The following MALRD1 variants were observed in gnomAD, a reference collection of about 807,000 sequenced individuals.
The protein encoded by MALRD1 is MAM and LDL receptor class A domain containing 1.
Under a neutral mutation model 242.1 loss-of-function variants are expected in MALRD1, and 247 were observed. That is an observed-to-expected ratio of 1.02 (90% CI 0.92 to 1.13). MALRD1 has a LOEUF of 1.13. Ranked by LOEUF, MALRD1 falls within the 50% of genes most tolerant of loss-of-function variation. The probability of loss-of-function intolerance (pLI) is 0.00; values close to 1 mark genes in which losing one functional copy is unlikely to be tolerated. For synonymous variants in MALRD1, 995 were observed against 866.6 expected, an observed-to-expected ratio of 1.15 and a Z score of -2.60; for missense variants, 2,989 against 2,533.1, an observed-to-expected ratio of 1.18 and a Z score of -3.86.
intron 36 of MALRD1, among the ~76,000 whole-genome samples, chr10:19,665,663 G>A (rs1841645394): frequency 6.6e-6 from 1 of 151,902 alleles, no homozygotes; most frequent in Admixed American, 6.6e-5. Context: ...ACTAAAACGT[G>A]GGCATTCAGG....
chr10:19,513,532 G>T (rs981085896), intron 31 of MALRD1, among the ~76,000 whole-genome samples: 1 of 151,762 alleles, frequency 6.6e-6, no homozygotes, highest in Non-Finnish European at 1.5e-5. Context: ...GAGGTCAGGA[G>T]ATTGAGACCA....
intron 23 of MALRD1, among the ~76,000 whole-genome samples, chr10:19,328,892 G>A (rs925782475): frequency 1.3e-5 from 2 of 152,058 alleles, no homozygotes; most frequent in South Asian, 2.1e-4. Flanking sequence ...AAACTGAGGC[G>A]AGAAGAAATC....
At chr10:19,454,431 T>TATATATATATATATATAAATAA (rs1011890675) in intron 29 of MALRD1, among the ~76,000 whole-genome samples, 1 of 136,712 alleles carries the variant, frequency 7.3e-6, no homozygotes, top group Non-Finnish European at 1.6e-5. Context: ...TATATATATA[T>TATATATATATATATATAAATAA]AATTATATGA....
At chr10:19,206,231 A>C (rs1836776900) in intron 17 of MALRD1, among the ~76,000 whole-genome samples, 1 of 152,060 alleles carries the variant, frequency 6.6e-6, no homozygotes, top group Non-Finnish European at 1.5e-5. Context: ...AAATTTCCAT[A>C]TACATCATCG....
intron 29 of MALRD1, among the ~76,000 whole-genome samples, chr10:19,455,516 G>A (rs965042032): frequency 1.3e-5 from 2 of 152,064 alleles, no homozygotes; most frequent in African/African-American, 4.8e-5. Flanking sequence ...TTTGCCTTAT[G>A]TTTTTCATCT....
At chr10:19,375,714 G>A (rs1845563996) in intron 26 of MALRD1, among the ~76,000 whole-genome samples, 1 of 152,114 alleles carries the variant, frequency 6.6e-6, no homozygotes, top group African/African-American at 2.4e-5. Context: ...TTCCTTGAAA[G>A]CCACACGCTA....
intron 31 of MALRD1, among the ~76,000 whole-genome samples, chr10:19,529,874 A>G (rs1177267474): frequency 1.3e-5 from 2 of 152,184 alleles, no homozygotes; most frequent in Non-Finnish European, 2.9e-5. Context: ...AACATTACAT[A>G]ACATTATGTA....
At chr10:19,279,778 T>C (rs1036167448) in intron 19 of MALRD1, among the ~76,000 whole-genome samples, 20 of 152,342 alleles carry the variant, frequency 1.3e-4, no homozygotes, top group Non-Finnish European at 2.2e-4. Flanking sequence ...GCCCTGGCCT[T>C]GGGCCTCCCA....
rs143627087 is a variant in MALRD1 at position 19,534,176 on chromosome 10, C to T, written c.5478+2825C>T. On this transcript the variant is annotated intron_variant, in intron 32 of 39. Transcript: ENST00000454679. ...CTTTTGTTACTTGCTACTGAAAAAG[C>T]CCTCGCCATTACAGAAACTCAGCAA... Among the ~76,000 whole-genome samples the T allele has an allele frequency of 2.9e-4, 44 of 152,300 alleles. 1 individual carries two copies. In the East Asian group the frequency reaches 7.9e-3, roughly 27 times the overall value.
rs1257315588 is a variant in MALRD1 at position 19,276,102 on chromosome 10, T to TA, written c.3080-3941dup. Among the ~76,000 whole-genome samples, 3 of 152,204 alleles carry TA rather than the reference T, an allele frequency of 2.0e-5. No homozygotes were observed. The East Asian group carries it at 5.8e-4, about 29-fold the overall frequency. On this transcript the variant is annotated intron_variant, in intron 19 of 39. Coordinates refer to ENST00000454679, the MANE Select transcript of MALRD1 (RefSeq NM_001142308.3). ...TGGAATTAAAATCTTTGTCTTAAAC[T>TA]AAAACTTTATTATCTAAATATGGAA...
At chr10:19,418,223 T>C (rs1330834852) in intron 28 of MALRD1, among the ~76,000 whole-genome samples, 2 of 152,056 alleles carry the variant, frequency 1.3e-5, no homozygotes, top group Non-Finnish European at 2.9e-5. Context: ...GAAAGAGATA[T>C]ATTCAGTAAA....
At position 19,654,586 on chromosome 10, in the gene MALRD1, T is replaced by G. The variant is rs558096191; in HGVS notation, c.6138-37696T>G. On this transcript the variant is annotated intron_variant, in intron 36 of 39. Coordinates refer to ENST00000454679, the MANE Select transcript of MALRD1 (RefSeq NM_001142308.3). ...TTTGCTGGTAGTAAATGACTGTCTT[T>G]TCTTTGCTTTCGCTTACTCTCAATT... Among the ~76,000 whole-genome samples, 9 of 152,334 alleles carry G rather than the reference T, an allele frequency of 5.9e-5. No individual in the cohort carries two copies. The East Asian group carries it at 7.7e-4, about 13-fold the overall frequency.
chr10:19,266,066 G>C (rs1839962024), intron 19 of MALRD1, among the ~76,000 whole-genome samples: 2 of 151,270 alleles, frequency 1.3e-5, no homozygotes, highest in Admixed American at 1.3e-4. Context: ...CATGGAATGT[G>C]TTTTTTGTTC....
chr10:19,399,606 G>A (rs1044768707), intron 28 of MALRD1, among the ~76,000 whole-genome samples: 1 of 152,054 alleles, frequency 6.6e-6, no homozygotes, highest in Non-Finnish European at 1.5e-5. Flanking sequence ...GAAAACCCTT[G>A]TGATTCACTC....
intron 36 of MALRD1, among the ~76,000 whole-genome samples, chr10:19,687,915 T>C (rs574083021): frequency 1.3e-4 from 1 of 7,502 alleles, no homozygotes; most frequent in African/African-American, 1.9e-3. Context: ...TTTTTAATGT[T>C]ATGTTATGTT....
At chr10:19,075,912 TTGTC>T (rs1321469810) in intron 2 of MALRD1, among the ~76,000 whole-genome samples, 1 of 152,028 alleles carries the variant, frequency 6.6e-6, no homozygotes, top group Non-Finnish European at 1.5e-5. Context: ...ATTTTCTTGA[TTGTC>T]TATTCTTGCT....
intron 26 of MALRD1, among the ~76,000 whole-genome samples, chr10:19,383,917 G>A (rs1845944033): frequency 6.6e-6 from 1 of 151,924 alleles, no homozygotes; most frequent in South Asian, 2.1e-4. Flanking sequence ...GCTATGATAT[G>A]GGAAGTGTGA....
Position 19,633,836 on chromosome 10 carries a change from C to CTTT in MALRD1, c.6137+17914_6137+17916dup, listed in dbSNP as rs199830595. The stretch of plus-strand genomic sequence containing the variant: ...GCCACAGTTTCTTTCTTTTTCTTTT[C>CTTT]TTTCTTTTTTTTTTTTTTTTTTGAC... On this transcript the variant is annotated intron_variant, in intron 36 of 39. Coordinates refer to ENST00000454679, the MANE Select transcript of MALRD1 (RefSeq NM_001142308.3). 2.2e-3 allele frequency: 305 copies of CTTT among 141,092 alleles called. 7 individuals are homozygous for CTTT. The highest frequency in any genetic ancestry group is 3.6e-3 in the African/African-American group (130 of 35,704). The allele number at this position is 141,092 out of a possible 1,614,324, so 8.7% of individuals were successfully genotyped here.
chr10:19,192,069 A>C (rs924608332), intron 14 of MALRD1, among the ~76,000 whole-genome samples: 1 of 152,198 alleles, frequency 6.6e-6, no homozygotes, highest in Non-Finnish European at 1.5e-5. Flanking sequence ...TGCTCAGTGA[A>C]ATAAGCCAGT....
Sources: gnomAD v4.1 joint callset for allele counts (sites outside exome capture counted in the v4.1 genomes callset) on GRCh38, gnomAD v4.1.1 for gene constraint, MANE v1.5 for transcripts, NCBI Gene and HGNC (gene_info 2026-07-23, HGNC 2026-07-21) for gene names.